The following PPARGC1A variants were observed in gnomAD, a reference collection of about 807,000 sequenced individuals.
The protein encoded by PPARGC1A is PPARG coactivator 1 alpha, also known as peroxisome proliferator-activated receptor gamma coactivator 1-alpha.
PPARGC1A carries 25 observed loss-of-function variants against 88.7 expected under a neutral mutation model. That is an observed-to-expected ratio of 0.28 (90% confidence interval 0.21 to 0.39). PPARGC1A has a LOEUF of 0.39. Ranked by LOEUF, PPARGC1A falls within the 10% of genes least tolerant of loss-of-function variation. The pLI is 1.00. For synonymous variants in PPARGC1A, 363 were observed against 355.6 expected (o/e 1.02, Z -0.24); for missense variants, 880 against 968.7 (o/e 0.91, Z 1.22).
chr4:23,882,090 T>C (rs1462537631), intron 2 of PPARGC1A: 1 of 152,232 alleles, frequency 6.6e-6, no homozygotes, highest in East Asian at 1.9e-4. Flanking sequence ...GCCATGCAAA[T>C]ACTCCTGAAG....
chr4:23,955,552 T>C, the PPARGC1A span, among the ~76,000 whole-genome samples: 1 of 152,048 alleles, frequency 6.6e-6, no homozygotes, highest in East Asian at 1.9e-4. Flanking sequence ...GGAATCAAGG[T>C]AGCTTACAGT....
chr4:23,996,913 C>T, the PPARGC1A span, among the ~76,000 whole-genome samples: 1 of 152,216 alleles, frequency 6.6e-6, no homozygotes, highest in African/African-American at 2.4e-5. Context: ...AGTAATTAAA[C>T]TTCATCTCTT....
At chr4:24,332,639 G>A in the PPARGC1A span, among the ~76,000 whole-genome samples, 5 of 152,134 alleles carry the variant, frequency 3.3e-5, no homozygotes, top group African/African-American at 1.2e-4. Context: ...CAACAAAATA[G>A]TAGCTAAAAA....
chr4:24,386,867 T>G, the PPARGC1A span, among the ~76,000 whole-genome samples: 1 of 152,164 alleles, frequency 6.6e-6, no homozygotes, highest in African/African-American at 2.4e-5. Flanking sequence ...CCATTGACTT[T>G]CTTCACAAAA....
At chr4:24,131,143 T>C in the PPARGC1A span, among the ~76,000 whole-genome samples, 3 of 152,174 alleles carry the variant, frequency 2.0e-5, no homozygotes, top group Admixed American at 2.0e-4. Context: ...CTATCTTTAG[T>C]ACCTAGCACA....
the PPARGC1A span, among the ~76,000 whole-genome samples, chr4:24,414,801 G>A: frequency 3.9e-5 from 6 of 152,170 alleles, no homozygotes; most frequent in Non-Finnish European, 5.9e-5. Context: ...TTCAGGAGGA[G>A]GGGGTGGCCT....
At chr4:24,219,651 C>A in the PPARGC1A span, among the ~76,000 whole-genome samples, 1 of 152,204 alleles carries the variant, frequency 6.6e-6, no homozygotes, top group Admixed American at 6.5e-5. Context: ...GAGGCCCCTC[C>A]TCCCCTCCTC....
At chr4:24,080,939 GTGTT>G in the PPARGC1A span, among the ~76,000 whole-genome samples, 41 of 152,100 alleles carry the variant, frequency 2.7e-4, no homozygotes, top group African/African-American at 5.1e-4. Context: ...ATCTCTTTTG[GTGTT>G]TGTTTGTTTG....
intron 7 of PPARGC1A, among the ~76,000 whole-genome samples, chr4:23,823,132 C>A (rs58365471): frequency 0.023 from 3,170 of 138,036 alleles, 106 homozygotes; most frequent in African/African-American, 0.079. Flanking sequence ...TAAAAAAAAA[C>A]TCAAAAAAGG....
the PPARGC1A span, among the ~76,000 whole-genome samples, chr4:24,000,460 C>A: frequency 2.0e-5 from 3 of 151,658 alleles, no homozygotes; most frequent in Non-Finnish European, 4.4e-5. Context: ...ATAATGGGGT[C>A]ATCAGGGCAT....
chr4:23,836,952 C>T (rs961522582), intron 2 of PPARGC1A, among the ~76,000 whole-genome samples: 1 of 152,118 alleles, frequency 6.6e-6, no homozygotes, highest in Non-Finnish European at 1.5e-5. Context: ...ATACTGCATG[C>T]GGTATCCCAA....
At chr4:24,233,040 G>A in the PPARGC1A span, among the ~76,000 whole-genome samples, 9,248 of 152,048 alleles carry the variant, frequency 0.061, 330 homozygotes, top group South Asian at 0.1. Flanking sequence ...GCTGCAGAGG[G>A]GCCCTGGGAC....
intron 10 of PPARGC1A, among the ~76,000 whole-genome samples, chr4:23,809,669 A>G (rs1221750493): frequency 1.3e-5 from 2 of 152,196 alleles, no homozygotes; most frequent in Non-Finnish European, 2.9e-5. Flanking sequence ...TATTATATCA[A>G]TTTGTGATTG....
the PPARGC1A span, among the ~76,000 whole-genome samples, chr4:24,403,425 C>G: frequency 5.3e-5 from 8 of 152,212 alleles, no homozygotes; most frequent in East Asian, 1.3e-3. Flanking sequence ...ACTGCGTACT[C>G]GCAGCCACCT....
At chr4:24,430,453 G>A in the PPARGC1A span, among the ~76,000 whole-genome samples, 13 of 151,704 alleles carry the variant, frequency 8.6e-5, no homozygotes, top group African/African-American at 3.1e-4. Flanking sequence ...AGTAGAGACG[G>A]GGTTTCACCG....
chr4:24,018,543 T>G, the PPARGC1A span, among the ~76,000 whole-genome samples: 1 of 152,120 alleles, frequency 6.6e-6, no homozygotes, highest in Admixed American at 6.5e-5. Context: ...CCAATCAACC[T>G]CAAGGCAGAG....
At chr4:23,887,909 T>C (rs913846150) in intron 1 of PPARGC1A, among the ~76,000 whole-genome samples, 1 of 152,120 alleles carries the variant, frequency 6.6e-6, no homozygotes, top group African/African-American at 2.4e-5. Flanking sequence ...TCATGTGAAT[T>C]GTCTCTATCA....
intron 2 of PPARGC1A, among the ~76,000 whole-genome samples, chr4:23,856,715 C>T (rs1446405346): frequency 6.6e-6 from 1 of 152,156 alleles, no homozygotes; most frequent in African/African-American, 2.4e-5. Flanking sequence ...ATAAAACAGG[C>T]ATGGCCCCTC....
the PPARGC1A span, among the ~76,000 whole-genome samples, chr4:23,949,495 G>A: frequency 6.6e-6 from 1 of 152,154 alleles, no homozygotes; most frequent in Non-Finnish European, 1.5e-5. Context: ...TTAATCGAGA[G>A]AAGGAACATT....
Sources: allele counts gnomAD v4.1 joint callset (sites outside exome capture counted in the v4.1 genomes callset), GRCh38; gene constraint gnomAD v4.1.1; transcripts MANE v1.5; gene names NCBI Gene and HGNC (gene_info 2026-07-23, HGNC 2026-07-21).